The following PTPRO variants were observed in gnomAD, a reference collection of about 807,000 sequenced individuals.
PTPRO encodes the protein receptor-type tyrosine-protein phosphatase O.
A neutral mutation model predicts 145.2 loss-of-function variants in PTPRO; 62 were observed. The observed-to-expected ratio is 0.43, with a 90% CI of 0.35 to 0.53. The LOEUF is 0.53. PTPRO is among the 20% of genes least tolerant of loss of function. The probability of loss-of-function intolerance (pLI) is 0.01; values close to 1 mark genes in which losing one functional copy is unlikely to be tolerated. For missense variants in PTPRO, 1,345 were observed against 1,482.7 expected (o/e 0.91, Z 1.53); for synonymous variants, 565 against 514.7 (o/e 1.10, Z -1.32).
At chr12:15,363,270 C>T (rs542826000) in intron 1 of PTPRO, among the ~76,000 whole-genome samples, 2 of 152,210 alleles carry the variant, frequency 1.3e-5, no homozygotes, top group South Asian at 2.1e-4. Flanking sequence ...ACTTTGAAAC[C>T]ATCTTCTCCA....
intron 1 of PTPRO, among the ~76,000 whole-genome samples, chr12:15,383,944 G>C (rs1054824258): frequency 8.5e-5 from 13 of 152,138 alleles, no homozygotes; most frequent in African/African-American, 3.1e-4. Context: ...AAAATACTTT[G>C]ATTTCCTTCA....
At chr12:15,451,105 G>C (rs549396229) in intron 1 of PTPRO, among the ~76,000 whole-genome samples, 2 of 151,670 alleles carry the variant, frequency 1.3e-5, no homozygotes, top group East Asian at 3.9e-4. Flanking sequence ...TAACACATAA[G>C]GACTCACATA....
At chr12:15,391,058 C>T (rs907698897) in intron 1 of PTPRO, among the ~76,000 whole-genome samples, 2 of 152,176 alleles carry the variant, frequency 1.3e-5, no homozygotes, top group Non-Finnish European at 2.9e-5. Flanking sequence ...AAACCCTACC[C>T]TTATGACCTT....
intron 15 of PTPRO, among the ~76,000 whole-genome samples, chr12:15,552,229 T>A (rs1191916311): frequency 6.6e-6 from 1 of 152,232 alleles, no homozygotes. Context: ...TGATTTCAGC[T>A]CTTCCCTGTT....
intron 7 of PTPRO, among the ~76,000 whole-genome samples, chr12:15,514,923 T>A (rs1266439342): frequency 1.3e-5 from 2 of 151,940 alleles, no homozygotes; most frequent in African/African-American, 4.8e-5. Flanking sequence ...CCACCATGCC[T>A]GGCTAATTTT....
In PTPRO at chr12:15,509,966, T is replaced by C. The variant is rs370409171; in HGVS notation, c.1464+1199T>C. On this transcript the variant is annotated intron_variant, in intron 7 of 26. Coordinates refer to ENST00000281171, the MANE Select transcript of PTPRO (RefSeq NM_030667.3). ...GGCCCAGTCCTATATTTCTAAATTCTGGCCTTATGTTTTTACAAGGTCAAA... is the reference window on the plus strand; with the variant it reads ...GGCCCAGTCCTATATTTCTAAATTCCGGCCTTATGTTTTTACAAGGTCAAA... Among the ~76,000 whole-genome samples the C allele has an allele frequency of 7.2e-5, 11 of 152,306 alleles. No individual in the cohort carries two copies. In the South Asian group the frequency reaches 1.5e-3, roughly 20 times the overall value.
chr12:15,516,191 C>T (rs569079202), intron 8 of PTPRO, among the ~76,000 whole-genome samples: 11 of 149,940 alleles, frequency 7.3e-5, no homozygotes, highest in South Asian at 2.1e-4. Context: ...GGGGTTTCAC[C>T]GTGTTAGCCA....
chr12:15,390,955 A>T (rs1032974929), intron 1 of PTPRO, among the ~76,000 whole-genome samples: 2 of 152,330 alleles, frequency 1.3e-5, no homozygotes, highest in East Asian at 3.9e-4. Flanking sequence ...TGGTTTTCAG[A>T]CAGCTGTCTT....
chr12:15,447,474 A>C (rs1940930218), intron 1 of PTPRO, among the ~76,000 whole-genome samples: 1 of 152,110 alleles, frequency 6.6e-6, no homozygotes, highest in South Asian at 2.1e-4. Context: ...GCCTTCACTA[A>C]TTTCACTTGA....
chr12:15,445,424 G>A (rs537864352), intron 1 of PTPRO, among the ~76,000 whole-genome samples: 2 of 152,240 alleles, frequency 1.3e-5, no homozygotes, highest in African/African-American at 4.8e-5. Context: ...TGTAAATAAA[G>A]TACGTAGCCT....
At chr12:15,391,465 T>C (rs983800) in intron 1 of PTPRO, among the ~76,000 whole-genome samples, 30,826 of 152,156 alleles carry the variant, frequency 0.2, 3,328 homozygotes, top group Non-Finnish European at 0.24. Context: ...AGATCCCAGC[T>C]CTTAGTTGAG....
At position 15,440,205 on chromosome 12, in the gene PTPRO, G is replaced by A. The variant is rs527882198; in HGVS notation, c.76-43769G>A. 63 of 667,882 alleles carry A rather than the reference G, an allele frequency of 9.4e-5. No individual in the cohort carries two copies. The African/African-American group carries it at 9.6e-4, about 10-fold the overall frequency. 41.4% of individuals were successfully genotyped at this position (667,882 alleles called of 1,614,324 possible). ...AATGACTGCTACACCTTAGCCAGGG[G>A]CTGCACTGCCACCCTGGGCAACTTT... On this transcript the variant is annotated intron_variant, in intron 1 of 26. Transcript: ENST00000281171.
chr12:15,540,176 C>G (rs940372812), intron 12 of PTPRO, among the ~76,000 whole-genome samples: 1 of 152,186 alleles, frequency 6.6e-6, no homozygotes, highest in African/African-American at 2.4e-5. Flanking sequence ...ATTTCACCAA[C>G]TTGAGCATAG....
At chr12:15,582,781 A>G (rs1377652733) in intron 23 of PTPRO, among the ~76,000 whole-genome samples, 1 of 152,076 alleles carries the variant, frequency 6.6e-6, no homozygotes, top group Non-Finnish European at 1.5e-5. Context: ...TCTTATTATC[A>G]TAATTCCCTA....
rs529757376 is a variant in PTPRO, at chr12:15,375,760, C to CAA, written c.75+52977_75+52978dup. Among the ~76,000 whole-genome samples, 120 of 84,596 alleles carry CAA rather than the reference C, an allele frequency of 1.4e-3. 3 individuals carry two copies. Among genetic ancestry groups the CAA allele is most frequent in the East Asian group, 0.013 (40 of 2,974 alleles). 55.5% of individuals were successfully genotyped at this position (84,596 alleles called of 152,430 possible). A position where few individuals can be genotyped will look rare whatever the true frequency, so the allele number is the denominator to read the frequency against. On this transcript the variant is annotated intron_variant, in intron 1 of 26. Transcript: ENST00000281171. ...AACAGAGCAAGACTCTGTCCCCCACCAAAAAAAAAAAAAAAAAAAGGAAAC... is the reference window on the plus strand; with the variant it reads ...AACAGAGCAAGACTCTGTCCCCCACCAAAAAAAAAAAAAAAAAAAAAGGAAAC...
At chr12:15,417,624 A>G (rs1940018823) in intron 1 of PTPRO, among the ~76,000 whole-genome samples, 1 of 151,614 alleles carries the variant, frequency 6.6e-6, no homozygotes, top group Non-Finnish European at 1.5e-5. Context: ...CCCCAAGAAA[A>G]TCAGTACACG....
chr12:15,399,666 GA>G (rs1300649064), intron 1 of PTPRO, among the ~76,000 whole-genome samples: 1 of 152,020 alleles, frequency 6.6e-6, no homozygotes, highest in African/African-American at 2.4e-5. Flanking sequence ...TTGTGTCATA[GA>G]AAAACATATT....
chr12:15,551,021 G>A (rs554627080), intron 14 of PTPRO, among the ~76,000 whole-genome samples: 4 of 152,174 alleles, frequency 2.6e-5, no homozygotes, highest in East Asian at 3.9e-4. Context: ...ATATGGCCAC[G>A]GATCATCAGA....
intron 1 of PTPRO, among the ~76,000 whole-genome samples, chr12:15,335,410 G>A (rs1455355919): frequency 2.0e-5 from 3 of 152,014 alleles, no homozygotes; most frequent in Non-Finnish European, 4.4e-5. Flanking sequence ...GAAATGCATT[G>A]GTGTAATAGC....
Sources: allele counts gnomAD v4.1 joint callset (sites outside exome capture counted in the v4.1 genomes callset), GRCh38; gene constraint gnomAD v4.1.1; transcripts MANE v1.5; gene names NCBI Gene and HGNC (gene_info 2026-07-23, HGNC 2026-07-21).